The following CRIM1 variants were observed in gnomAD, a reference collection of about 807,000 sequenced individuals.
The protein encoded by CRIM1 is cysteine-rich motor neuron 1 protein.
CRIM1 carries 32 observed loss-of-function variants against 116.4 expected under a neutral mutation model. The observed-to-expected ratio is 0.27, with a 90% CI of 0.21 to 0.37. The LOEUF (loss-of-function observed/expected upper bound fraction) is 0.37, where lower values mean the gene tolerates loss of function less well. Ranked by LOEUF, CRIM1 falls within the 10% of genes least tolerant of loss-of-function variation. CRIM1 has a pLI of 1.00. For missense variants in CRIM1, 1,331 were observed against 1,354.8 expected, an observed-to-expected ratio of 0.98 and a Z score of 0.28; for synonymous variants, 590 against 509.2, an observed-to-expected ratio of 1.16 and a Z score of -2.13.
At chr2:36,517,234 C>G (rs1665088785) in intron 11 of CRIM1, 93 bp from the exon 12 acceptor site, 7 of 931,722 alleles carry the variant, frequency 7.5e-6, no homozygotes, top group Non-Finnish European at 8.6e-6. Context: ...CACAGTTCAT[C>G]TCTTCTATCC....
At chr2:36,427,209 AAAAG>A (rs1162370871) in intron 2 of CRIM1, among the ~76,000 whole-genome samples, 4 of 152,004 alleles carry the variant, frequency 2.6e-5, no homozygotes, top group South Asian at 2.1e-4. Context: ...TCAAAAAAAA[AAAAG>A]AAAGAAAAGA....
rs577896010 is a variant in CRIM1, at chr2:36,497,282, G to A, written c.1373-1937G>A. Among the ~76,000 whole-genome samples the A allele has an allele frequency of 2.6e-5, 4 of 152,270 alleles. No individual in the cohort carries two copies. The East Asian group carries it at 7.7e-4, about 29-fold the overall frequency. ...TTTGGCCTAATCGCTCTAGAACATA[G>A]AAGTCCTTTCTCACTGGGATAACCT... is the stretch of plus-strand genomic sequence containing the variant. On this transcript the variant is annotated intron_variant, in intron 7 of 16. Coordinates refer to ENST00000280527, the MANE Select transcript of CRIM1 (RefSeq NM_016441.3).
chr2:36,449,822 T>C (rs898500088), intron 4 of CRIM1, among the ~76,000 whole-genome samples: 2 of 151,192 alleles, frequency 1.3e-5, no homozygotes, highest in African/African-American at 4.9e-5. Flanking sequence ...AAGGAGAAAG[T>C]CCAGGGGAAG....
At chr2:36,466,897 G>A (rs963301368) in intron 5 of CRIM1, among the ~76,000 whole-genome samples, 3 of 152,192 alleles carry the variant, frequency 2.0e-5, no homozygotes, top group Admixed American at 2.0e-4. Context: ...CTATGGGTGA[G>A]GAACCGGAGT....
chr2:36,447,212 G>A (rs1676312069), intron 4 of CRIM1, among the ~76,000 whole-genome samples: 1 of 152,166 alleles, frequency 6.6e-6, no homozygotes, highest in Admixed American at 6.5e-5. Context: ...GACAGAGCAG[G>A]TTCAAGGCTT....
At chr2:36,434,352 T>C (rs1675126020) in intron 2 of CRIM1, among the ~76,000 whole-genome samples, 1 of 152,234 alleles carries the variant, frequency 6.6e-6, no homozygotes, top group Admixed American at 6.5e-5. Flanking sequence ...CCTCTGTATT[T>C]AAGCAAAAAT....
At chr2:36,529,892 A>G (rs1665999103) in intron 13 of CRIM1, among the ~76,000 whole-genome samples, 1 of 152,194 alleles carries the variant, frequency 6.6e-6, no homozygotes, top group South Asian at 2.1e-4. Flanking sequence ...ATAAAACAAA[A>G]ATGGAATTCT....
At chr2:36,395,888 A>G (rs1671991755) in intron 1 of CRIM1, among the ~76,000 whole-genome samples, 1 of 152,144 alleles carries the variant, frequency 6.6e-6, no homozygotes, top group Non-Finnish European at 1.5e-5. Context: ...AGTAAGTTGA[A>G]GAGCTGTTTT....
At chr2:36,412,548 A>G (rs1052592097) in intron 2 of CRIM1, among the ~76,000 whole-genome samples, 2 of 152,144 alleles carry the variant, frequency 1.3e-5, no homozygotes, top group Non-Finnish European at 2.9e-5. Flanking sequence ...ACTGACTTTG[A>G]TGCTTCATGG....
chr2:36,429,028 T>G (rs1221308947), intron 2 of CRIM1, among the ~76,000 whole-genome samples: 2 of 151,928 alleles, frequency 1.3e-5, no homozygotes, highest in African/African-American at 4.8e-5. Context: ...CCCTTCTACT[T>G]TTCCCCTCTC....
chr2:36,516,219 T>C (rs1055921487), intron 11 of CRIM1, among the ~76,000 whole-genome samples: 1 of 152,166 alleles, frequency 6.6e-6, no homozygotes, highest in African/African-American at 2.4e-5. Context: ...ATAGCCCCAA[T>C]TCACTCCTAA....
chr2:36,372,936 T>C (rs1319462655), intron 1 of CRIM1, among the ~76,000 whole-genome samples: 2 of 152,198 alleles, frequency 1.3e-5, no homozygotes, highest in African/African-American at 4.8e-5. Context: ...AAGGTTATTT[T>C]TTGAGGGTCC....
chr2:36,505,859 C>T (rs1176487489), intron 8 of CRIM1, among the ~76,000 whole-genome samples: 1 of 152,088 alleles, frequency 6.6e-6, no homozygotes, highest in Non-Finnish European at 1.5e-5. Flanking sequence ...GTAAGGAGCA[C>T]CTCCTTCTGC....
chr2:36,363,401 C>G (rs1480534381), intron 1 of CRIM1, among the ~76,000 whole-genome samples: 1 of 151,820 alleles, frequency 6.6e-6, no homozygotes, highest in African/African-American at 2.4e-5. Flanking sequence ...ATAAGTGAAA[C>G]AATTTTACTT....
At chr2:36,521,651 C>A (rs1029627440) in intron 12 of CRIM1, among the ~76,000 whole-genome samples, 1 of 152,146 alleles carries the variant, frequency 6.6e-6, no homozygotes, top group African/African-American at 2.4e-5. Flanking sequence ...ACATATCTAC[C>A]CTTCTTTGAA....
intron 9 of CRIM1, 43 bp from the exon 10 acceptor site, chr2:36,512,230 A>G (rs770509760): frequency 6.2e-7 from 1 of 1,600,910 alleles, no homozygotes; most frequent in South Asian, 1.1e-5. Flanking sequence ...ATCATTTGAG[A>G]CTTTGTGATT....
chr2:36,392,289 C>G (rs1030587584), intron 1 of CRIM1, among the ~76,000 whole-genome samples: 5 of 152,076 alleles, frequency 3.3e-5, no homozygotes, highest in African/African-American at 1.2e-4. Flanking sequence ...ATGTAATATC[C>G]TAATTTGGTA....
intron 2 of CRIM1, among the ~76,000 whole-genome samples, chr2:36,416,752 A>T (rs1673651350): frequency 6.6e-6 from 1 of 152,216 alleles, no homozygotes; most frequent in Non-Finnish European, 1.5e-5. Context: ...TTCCTCCAGA[A>T]ACCAAAGACA....
chr2:36,423,459 G>T (rs1330349799), intron 2 of CRIM1, among the ~76,000 whole-genome samples: 1 of 152,184 alleles, frequency 6.6e-6, no homozygotes, highest in Non-Finnish European at 1.5e-5. Context: ...AGATCTATGT[G>T]GTTGAAGTAT....
Sources: allele counts gnomAD v4.1 joint callset (sites outside exome capture counted in the v4.1 genomes callset), GRCh38; gene constraint gnomAD v4.1.1; transcripts MANE v1.5; gene names NCBI Gene and HGNC (gene_info 2026-07-23, HGNC 2026-07-21).